The following PCDHA11 variants were observed in gnomAD, a reference collection of about 807,000 sequenced individuals.
PCDHA11 encodes the protein protocadherin alpha 11.
In PCDHA11, 61 loss-of-function variants were observed where a neutral mutation model predicts 70.3. That is an observed-to-expected ratio of 0.87 (90% CI 0.71 to 1.07). PCDHA11 has a LOEUF of 1.07. Ranked by LOEUF, PCDHA11 falls within the 50% of genes least tolerant of loss-of-function variation. PCDHA11 has a pLI of 0.00. For missense variants in PCDHA11, 1,324 were observed against 1,237.5 expected (o/e 1.07, Z -1.05); for synonymous variants, 633 against 555.1 (o/e 1.14, Z -1.97).
chr5:140,870,181 G>C lies in PCDHA11; in HGVS notation c.1078G>C (p.Glu360Gln). ...AVTSLSLPVR[E>Q]DAQPSTVIAL... Reference sequence around the variant, plus strand: ...GACTTCCTTGTCCCTCCCAGTACGAGAGGACGCTCAGCCCAGCACGGTCAT... The same window carrying C: ...GACTTCCTTGTCCCTCCCAGTACGACAGGACGCTCAGCCCAGCACGGTCAT... The change falls in exon 1 of 4, where the codon GAG (glutamate) becomes CAG (glutamine). Residue 360 changes from glutamate to glutamine, a missense_variant. By Grantham distance (29) the Glu-to-Gln change is conservative. Transcript: ENST00000398640. 1 of 1,614,160 alleles carries C rather than the reference G, an allele frequency of 6.2e-7. No individual in the cohort carries two copies. Among genetic ancestry groups the C allele is most frequent in the Non-Finnish European group, 8.5e-7 (1 of 1,180,044 alleles).
intron 1 of PCDHA11, chr5:140,969,002 T>C (rs201544118): frequency 8.1e-6 from 13 of 1,614,214 alleles, no homozygotes; most frequent in Non-Finnish European, 1.1e-5. Context: ...TGGAGGCTTC[T>C]GTGGAGTAAG....
intron 3 of PCDHA11, among the ~76,000 whole-genome samples, chr5:140,994,539 CA>C (rs35651294): frequency 0.48 from 72,467 of 151,372 alleles, 18,531 homozygotes; most frequent in African/African-American, 0.67. Flanking sequence ...CCCATCTCTA[CA>C]AAAAAAATAT....
intron 1 of PCDHA11, among the ~76,000 whole-genome samples, chr5:140,907,882 G>T (rs895415928): frequency 6.6e-6 from 1 of 152,168 alleles, no homozygotes; most frequent in Non-Finnish European, 1.5e-5. Context: ...GCACTCACAT[G>T]GGATACAAAT....
chr5:140,906,377 A>G (rs1322510294), intron 1 of PCDHA11, among the ~76,000 whole-genome samples: 3 of 152,264 alleles, frequency 2.0e-5, no homozygotes, highest in Admixed American at 6.5e-5. Flanking sequence ...ATGCTATTAC[A>G]TAAAGTTAAC....
intron 1 of PCDHA11, among the ~76,000 whole-genome samples, chr5:140,972,784 C>T (rs2096555970): frequency 1.3e-5 from 2 of 151,762 alleles, no homozygotes; most frequent in South Asian, 4.2e-4. Context: ...CTGCCTCAGC[C>T]TCCTGAGTAG....
chr5:140,966,561 G>C (rs2153747879), intron 1 of PCDHA11: 1 of 488,962 alleles, frequency 2.0e-6, no homozygotes, highest in Non-Finnish European at 3.4e-6. Context: ...GGAGGAGCTG[G>C]AATATGGGGA....
At chr5:140,950,358 G>A (rs1474217490) in intron 1 of PCDHA11, among the ~76,000 whole-genome samples, 3 of 151,864 alleles carry the variant, frequency 2.0e-5, no homozygotes, top group Admixed American at 1.3e-4. Context: ...TCCTTTATCT[G>A]AAGATCTATT....
chr5:140,952,531 C>T (rs1463200514), intron 1 of PCDHA11, among the ~76,000 whole-genome samples: 1 of 152,138 alleles, frequency 6.6e-6, no homozygotes, highest in Non-Finnish European at 1.5e-5. Context: ...CCTCCTCAGA[C>T]TGGACTTCTT....
At chr5:140,984,281 C>G (rs574169465) in intron 3 of PCDHA11, among the ~76,000 whole-genome samples, 32 of 152,336 alleles carry the variant, frequency 2.1e-4, no homozygotes, top group African/African-American at 7.5e-4. Context: ...AATACATTCT[C>G]CCTCCCATTG....
intron 1 of PCDHA11, among the ~76,000 whole-genome samples, chr5:140,973,030 C>G (rs1274875201): frequency 1.3e-5 from 2 of 152,014 alleles, no homozygotes; most frequent in African/African-American, 4.8e-5. Context: ...TAATGAGTCA[C>G]TTTGAGTACT....
intron 1 of PCDHA11, among the ~76,000 whole-genome samples, chr5:140,941,227 CTT>C (rs797022976): frequency 1.5e-5 from 2 of 136,000 alleles, no homozygotes; most frequent in Admixed American, 7.7e-5. Context: ...TTCTTTCTTT[CTT>C]TCTTTCTTTC....
chr5:140,990,869 G>A (rs2097420316), intron 3 of PCDHA11, among the ~76,000 whole-genome samples: 3 of 152,192 alleles, frequency 2.0e-5, no homozygotes, highest in African/African-American at 4.8e-5. Context: ...TGTATTTTAA[G>A]TGTATGTTCC....
rs199714982 is a variant in PCDHA11, at chr5:140,967,252, G to T, written c.2392-11697G>T. On this transcript the variant is annotated intron_variant, in intron 1 of 3. Coordinates refer to ENST00000398640, the MANE Select transcript of PCDHA11 (RefSeq NM_018902.5). ...AGCTTCAGGTAAGCGAATCGGTGGC[G>T]CCTGGAGCGCGCTTTCACATAGAGA... 6.0e-5 allele frequency: 97 copies of T among 1,613,386 alleles called. 1 individual carries two copies. Among genetic ancestry groups the T allele is most frequent in the Non-Finnish European group, 8.0e-5 (94 of 1,179,870 alleles).
intron 3 of PCDHA11, among the ~76,000 whole-genome samples, chr5:140,983,623 GA>G (rs1554245569): frequency 6.6e-6 from 1 of 152,202 alleles, no homozygotes; most frequent in African/African-American, 2.4e-5. Flanking sequence ...GAGAGATTAA[GA>G]AATGTACCCA....
chr5:140,968,477 G>T, intron 1 of PCDHA11: 1 of 1,614,112 alleles, frequency 6.2e-7, no homozygotes, highest in Non-Finnish European at 8.5e-7. Flanking sequence ...ATATGTGGTG[G>T]ACATGAATGA....
chr5:140,968,234 A>T (rs1426230655), intron 1 of PCDHA11: 1 of 1,613,870 alleles, frequency 6.2e-7, no homozygotes, highest in Non-Finnish European at 8.5e-7. Flanking sequence ...GTTGCTCTGT[A>T]CTGTGCAAGC....
At chr5:140,894,740 AT>A (rs1157881854) in intron 1 of PCDHA11, among the ~76,000 whole-genome samples, 3 of 150,972 alleles carry the variant, frequency 2.0e-5, no homozygotes, top group Non-Finnish European at 3.0e-5. Flanking sequence ...AATTTGTGGA[AT>A]TTTTTTTCTT....
At chr5:140,999,858 C>G (rs1563644401) in intron 3 of PCDHA11, among the ~76,000 whole-genome samples, 3 of 152,170 alleles carry the variant, frequency 2.0e-5, no homozygotes. Context: ...CTCTTCCGCT[C>G]CAAGATTACT....
chr5:140,879,879 G>A lies in PCDHA11; in HGVS notation c.2391+8385G>A, dbSNP rs564256513. Among the ~76,000 whole-genome samples the A allele has an allele frequency of 4.6e-5, 7 of 152,240 alleles. No individual in the cohort carries two copies. In the South Asian group the frequency reaches 1.5e-3, roughly 32 times the overall value. On this transcript the variant is annotated intron_variant, in intron 1 of 3. Coordinates refer to ENST00000398640, the MANE Select transcript of PCDHA11 (RefSeq NM_018902.5). ...CCTTCTCAGCTTTCATGGTCACATT[G>A]CCTCCTCCTCTCCATGTCTCTCTCT... is the stretch of plus-strand genomic sequence containing the variant.
Sources: gnomAD v4.1 joint callset for allele counts (sites outside exome capture counted in the v4.1 genomes callset) on GRCh38, gnomAD v4.1.1 for gene constraint, MANE v1.5 for transcripts, NCBI Gene and HGNC (gene_info 2026-07-23, HGNC 2026-07-21) for gene names.